EEPD1: variants seen among roughly 807,000 people sequenced by gnomAD.
EEPD1 encodes the protein endonuclease/exonuclease/phosphatase family domain-containing protein 1.
Under a neutral mutation model 46.3 loss-of-function variants are expected in EEPD1, and 17 were observed. The ratio of observed to expected loss-of-function variants is 0.37; its 90% CI spans 0.25 to 0.55. The LOEUF is 0.55. Ranked by LOEUF, EEPD1 falls within the 20% of genes least tolerant of loss-of-function variation. The pLI, the probability that EEPD1 is intolerant of heterozygous loss-of-function variation, is 0.83. For missense variants in EEPD1, 673 were observed against 745.6 expected, an observed-to-expected ratio of 0.90 and a Z score of 1.13; for synonymous variants, 313 against 315.6, an observed-to-expected ratio of 0.99 and a Z score of 0.09.
intron 2 of EEPD1, among the ~76,000 whole-genome samples, chr7:36,219,440 G>A (rs1238238329): frequency 5.3e-5 from 8 of 151,446 alleles, no homozygotes; most frequent in Middle Eastern, 3.4e-3. Context: ...TTGGGAGGCC[G>A]AGGCAAGAGG....
chr7:36,217,795 A>G (rs1786055806), intron 2 of EEPD1, among the ~76,000 whole-genome samples: 1 of 152,226 alleles, frequency 6.6e-6, no homozygotes, highest in South Asian at 2.1e-4. Context: ...CATGGGCTCT[A>G]ACAAAACCCA....
intron 2 of EEPD1, among the ~76,000 whole-genome samples, chr7:36,202,825 C>T (rs967891200): frequency 2.0e-4 from 31 of 152,160 alleles, no homozygotes; most frequent in Non-Finnish European, 1.5e-4. Flanking sequence ...GTAGCTTATA[C>T]GTGGAGCTGG....
intron 2 of EEPD1, among the ~76,000 whole-genome samples, chr7:36,198,066 A>C (rs1396719915): frequency 6.6e-6 from 1 of 152,146 alleles, no homozygotes; most frequent in Non-Finnish European, 1.5e-5. Context: ...GTGAAAATGC[A>C]GAAATTATTT....
At chr7:36,208,968 C>T (rs1785874067) in intron 2 of EEPD1, among the ~76,000 whole-genome samples, 2 of 152,208 alleles carry the variant, frequency 1.3e-5, no homozygotes, top group South Asian at 2.1e-4. Flanking sequence ...AGCTTGGGAA[C>T]CTCTCCTGGA....
chr7:36,225,800 G>A lies in EEPD1; in HGVS notation c.879-13185G>A, dbSNP rs1197082691. Among the ~76,000 whole-genome samples the A allele has an allele frequency of 2.0e-5, 3 of 152,120 alleles. No homozygotes were observed. Among genetic ancestry groups the A allele is most frequent in the Non-Finnish European group, 4.4e-5 (3 of 68,022 alleles). On this transcript the variant is annotated intron_variant, in intron 2 of 7. Coordinates refer to ENST00000242108, the MANE Select transcript of EEPD1 (RefSeq NM_030636.3). This position sits in a 1 kb window ranked among gnomAD's most constrained non-coding sequence, Gnocchi z 4.2. ...TTTATGAACCCTCTACAAAATTTGG[G>A]GGTTATGTAGCAACCCAAACAATTT...
At chr7:36,275,849 A>G (rs1787174933) in intron 3 of EEPD1, among the ~76,000 whole-genome samples, 1 of 152,194 alleles carries the variant, frequency 6.6e-6, no homozygotes, top group South Asian at 2.1e-4. Flanking sequence ...TAGGAGAAAA[A>G]AAGTCCAAAG....
intron 2 of EEPD1, among the ~76,000 whole-genome samples, chr7:36,205,154 G>T (rs969660579): frequency 1.3e-5 from 2 of 152,164 alleles, no homozygotes; most frequent in African/African-American, 4.8e-5. Flanking sequence ...GTGTGAGATG[G>T]ACAGGGAGGG....
chr7:36,211,260 A>G (rs138348032), intron 2 of EEPD1, among the ~76,000 whole-genome samples: 28 of 152,332 alleles, frequency 1.8e-4, no homozygotes, highest in African/African-American at 3.9e-4. Flanking sequence ...CATGATAGTA[A>G]AACATGCTAT....
chr7:36,232,720 G>A (rs1786356800), intron 2 of EEPD1, among the ~76,000 whole-genome samples: 1 of 150,760 alleles, frequency 6.6e-6, no homozygotes, highest in Admixed American at 6.6e-5. Context: ...TTCTGTGGAG[G>A]CTGGGGGGTT....
intron 2 of EEPD1, among the ~76,000 whole-genome samples, chr7:36,216,480 G>A (rs1328236420): frequency 2.0e-5 from 3 of 152,222 alleles, no homozygotes; most frequent in South Asian, 2.1e-4. Context: ...AGTGGATTGT[G>A]CAACTGCTAG....
chr7:36,293,879 G>A (rs182255327), intron 6 of EEPD1, among the ~76,000 whole-genome samples: 9 of 151,920 alleles, frequency 5.9e-5, no homozygotes, highest in Non-Finnish European at 8.8e-5. Context: ...CAGGAGAATC[G>A]CTTGAACCCG....
At chr7:36,295,107 G>T (rs1787501631) in intron 6 of EEPD1, among the ~76,000 whole-genome samples, 1 of 150,326 alleles carries the variant, frequency 6.7e-6, no homozygotes, top group Non-Finnish European at 1.5e-5. Context: ...GAACCCGAGA[G>T]GCAGAGGTTG....
chr7:36,157,924 TAGTA>T (rs1784849891), intron 2 of EEPD1, among the ~76,000 whole-genome samples: 1 of 152,150 alleles, frequency 6.6e-6, no homozygotes, highest in African/African-American at 2.4e-5. Flanking sequence ...GTTCCCGTAT[TAGTA>T]AGAGGAAATA....
intron 2 of EEPD1, among the ~76,000 whole-genome samples, chr7:36,190,336 C>T (rs905165321): frequency 1.3e-5 from 2 of 149,188 alleles, no homozygotes; most frequent in Admixed American, 1.3e-4. Flanking sequence ...TGCACCACTG[C>T]ACTCCAGCCT....
intron 2 of EEPD1, among the ~76,000 whole-genome samples, chr7:36,216,529 T>C (rs1786032527): frequency 6.6e-6 from 1 of 152,234 alleles, no homozygotes; most frequent in South Asian, 2.1e-4. Context: ...GCAAAAGTTA[T>C]TACACACCTT....
rs993827228 is a variant in EEPD1 at position 36,283,748 on chromosome 7, G to A, written c.1042-938G>A. 2.6e-5 allele frequency among the ~76,000 whole-genome samples: 4 copies of A among 152,274 alleles called. No homozygotes were observed. In the East Asian group the frequency reaches 7.7e-4, roughly 29 times the overall value. On this transcript the variant is annotated intron_variant, in intron 4 of 7. Coordinates refer to ENST00000242108, the MANE Select transcript of EEPD1 (RefSeq NM_030636.3). ...CTAAAAACACGCATGTTCAGACAAG[G>A]CATGTGGCTTAGACCAGAGCTGACC...
chr7:36,170,526 T>A (rs1300883839), intron 2 of EEPD1, among the ~76,000 whole-genome samples: 1 of 152,026 alleles, frequency 6.6e-6, no homozygotes, highest in Admixed American at 6.5e-5. Context: ...TATCAGTCAT[T>A]GCAGGGACCT....
At chr7:36,284,512 G>T (rs1034396741) in intron 4 of EEPD1, among the ~76,000 whole-genome samples, 174 bp from the exon 5 acceptor site, 1 of 152,222 alleles carries the variant, frequency 6.6e-6, no homozygotes, top group Non-Finnish European at 1.5e-5. Context: ...AATTATTTGG[G>T]CTGGGGAAGG....
chr7:36,241,199 G>A (rs1441755538), intron 3 of EEPD1, among the ~76,000 whole-genome samples: 1 of 152,084 alleles, frequency 6.6e-6, no homozygotes, highest in African/African-American at 2.4e-5. Context: ...CAGATGGCTG[G>A]GTGCGGTGGC....
Sources: allele counts gnomAD v4.1 joint callset (sites outside exome capture counted in the v4.1 genomes callset), GRCh38; gene constraint gnomAD v4.1.1; non-coding constraint Gnocchi (gnomAD v3.1); transcripts MANE v1.5; gene names NCBI Gene and HGNC (gene_info 2026-07-23, HGNC 2026-07-21).